Variants in MECR observed in about 807,000 individuals in gnomAD.
MECR encodes mitochondrial trans-2-enoyl-CoA reductase.
Under a neutral mutation model 49.1 loss-of-function variants are expected in MECR, and 37 were observed. The observed-to-expected ratio is 0.75, with a 90% CI of 0.58 to 0.99. The LOEUF is 0.99. MECR is among the 50% of genes least tolerant of loss of function. The pLI, the probability that MECR is intolerant of heterozygous loss-of-function variation, is 0.00. For missense variants in MECR, 470 were observed against 479.6 expected, an observed-to-expected ratio of 0.98 and a Z score of 0.19; for synonymous variants, 198 against 191.1, an observed-to-expected ratio of 1.04 and a Z score of -0.30.
chr1:29,178,471 G>A, the MECR span, among the ~76,000 whole-genome samples: 1 of 151,644 alleles, frequency 6.6e-6, no homozygotes, highest in Non-Finnish European at 1.5e-5. Flanking sequence ...AGCCTCTCGA[G>A]TAGCTGGGAC....
chr1:29,201,584 G>C lies in MECR; in HGVS notation c.756+359C>G, dbSNP rs1027718182. The C allele has an allele frequency of 2.2e-6, 1 of 463,080 alleles. No homozygotes were observed. The highest frequency in any genetic ancestry group is 4.2e-6 in the Non-Finnish European group (1 of 236,294). The allele number at this position is 463,080 out of a possible 1,614,324, so 28.7% of individuals were successfully genotyped here. On this transcript the variant is annotated intron_variant, in intron 6 of 9. Transcript: ENST00000263702. This position sits in a 1 kb window ranked among gnomAD's most constrained non-coding sequence, Gnocchi z 4.3. ...AAATCATCAGATAAAATGTAAGGCA[G>C]GTGGTTGGGAAAGGTTACTTCTTTT...
downstream of MECR, among the ~76,000 whole-genome samples, chr1:29,187,719 C>G (rs1185557674): frequency 6.6e-6 from 1 of 151,020 alleles, no homozygotes; most frequent in Non-Finnish European, 1.5e-5. Flanking sequence ...CCTGCCTCAG[C>G]CTCCCAAGTA....
intron 3 of MECR, among the ~76,000 whole-genome samples, chr1:29,210,809 C>T (rs757384053): frequency 6.6e-6 from 1 of 152,206 alleles, no homozygotes; most frequent in Non-Finnish European, 1.5e-5. Context: ...TTCCATTTCC[C>T]TAATCTGTGA....
the MECR span, among the ~76,000 whole-genome samples, chr1:29,180,480 G>A: frequency 5.9e-5 from 9 of 152,284 alleles, no homozygotes; most frequent in Middle Eastern, 3.4e-3. Flanking sequence ...TTGAGAATAC[G>A]GTAGCTACCA....
At chr1:29,224,678 A>G (rs576254411) in intron 1 of MECR, 5 of 152,310 alleles carry the variant, frequency 3.3e-5, no homozygotes, top group South Asian at 4.1e-4. Flanking sequence ...ACACATACCC[A>G]TATTTACCAC....
At chr1:29,169,211 G>A in the MECR span, 2 of 152,164 alleles carry the variant, frequency 1.3e-5, no homozygotes, top group East Asian at 1.9e-4. Flanking sequence ...CTAACTTAGA[G>A]GAGTTGAGTA....
intron 9 of MECR, 102 bp downstream of exon 9, chr1:29,195,839 G>A: frequency 6.1e-6 from 7 of 1,150,800 alleles, no homozygotes; most frequent in Non-Finnish European, 9.2e-6. Flanking sequence ...TGGGGCTGGG[G>A]ACCCAATCAC....
chr1:29,185,193 T>C, the MECR span, among the ~76,000 whole-genome samples: 4 of 152,212 alleles, frequency 2.6e-5, no homozygotes, highest in African/African-American at 9.6e-5. Context: ...GTGTTGAGAT[T>C]ACAGGCATGA....
rs1558413658 is a variant in MECR, at chr1:29,196,256, CGCCTGAA to C, written c.831-5_832del. On this transcript the variant is annotated splice_acceptor_variant and splice_polypyrimidine_tract_variant and coding_sequence_variant and intron_variant, in exon 8 of 10. Coordinates refer to ENST00000263702, the MANE Select transcript of MECR (RefSeq NM_016011.5). LOFTEE classifies it high-confidence loss of function. Reference sequence around the variant, plus strand: ...CCCATAGGTTACCATGGTTCCTCCACGCCTGAAAAGTCCAAAGAGAACAAAGAGTGGA... The same window carrying C: ...CCCATAGGTTACCATGGTTCCTCCACAAGTCCAAAGAGAACAAAGAGTGGA... The C allele has an allele frequency of 6.2e-7, 1 of 1,611,488 alleles. No homozygotes were observed. The highest frequency in any genetic ancestry group is 8.5e-7 in the Non-Finnish European group (1 of 1,178,160).
At chr1:29,209,702 T>C (rs934742737) in intron 3 of MECR, among the ~76,000 whole-genome samples, 2 of 152,112 alleles carry the variant, frequency 1.3e-5, no homozygotes, top group Non-Finnish European at 1.5e-5. Context: ...AGGGTAGGCT[T>C]TGGAGTCAGA....
At chr1:29,226,717 A>C (rs1682155642) in intron 1 of MECR, among the ~76,000 whole-genome samples, 1 of 152,152 alleles carries the variant, frequency 6.6e-6, no homozygotes, top group South Asian at 2.1e-4. Flanking sequence ...CTTTCAATCT[A>C]CTTGAGCTTC....
the MECR span, among the ~76,000 whole-genome samples, chr1:29,178,908 G>A: frequency 6.6e-6 from 1 of 152,142 alleles, no homozygotes; most frequent in East Asian, 1.9e-4. Flanking sequence ...GATGCCAGGA[G>A]GTCATATTGT....
chr1:29,229,775 T>C (rs1350181452), intron 1 of MECR, among the ~76,000 whole-genome samples: 1 of 152,188 alleles, frequency 6.6e-6, no homozygotes, highest in East Asian at 1.9e-4. Flanking sequence ...TGACCCCAAG[T>C]ATTTTGATTC....
intron 4 of MECR, among the ~76,000 whole-genome samples, chr1:29,204,133 C>T (rs994008613): frequency 6.6e-6 from 1 of 152,024 alleles, no homozygotes; most frequent in East Asian, 1.9e-4. Flanking sequence ...GCAGGAGAAT[C>T]GCTTGAACCC....
chr1:29,174,019 T>C, the MECR span, among the ~76,000 whole-genome samples: 1 of 151,302 alleles, frequency 6.6e-6, no homozygotes, highest in African/African-American at 2.4e-5. Flanking sequence ...TGAAACTGTG[T>C]CTCTACTAAA....
intron 7 of MECR, among the ~76,000 whole-genome samples, chr1:29,196,949 G>A (rs1454265773): frequency 1.3e-5 from 2 of 152,200 alleles, no homozygotes; most frequent in East Asian, 3.8e-4. Context: ...AGGCTGCAGT[G>A]AGCTGAGATT....
At chr1:29,197,985 C>T (rs1674405987) in intron 7 of MECR, among the ~76,000 whole-genome samples, 1 of 152,200 alleles carries the variant, frequency 6.6e-6, no homozygotes. Context: ...GGACCGGTTT[C>T]ATGGAAGACA....
the MECR span, chr1:29,172,322 T>A: frequency 1.3e-5 from 2 of 152,110 alleles, no homozygotes; most frequent in South Asian, 4.1e-4. Flanking sequence ...TGAGACAGAG[T>A]CTCACTCTGT....
intron 1 of MECR, among the ~76,000 whole-genome samples, chr1:29,222,372 C>G (rs1174641304): frequency 6.6e-6 from 1 of 152,126 alleles, no homozygotes. Context: ...GCTGGGATTA[C>G]AGGTGTGAGC....
Sources: allele counts gnomAD v4.1 joint callset (sites outside exome capture counted in the v4.1 genomes callset), GRCh38; gene constraint gnomAD v4.1.1; non-coding constraint Gnocchi (gnomAD v3.1); transcripts MANE v1.5; gene names NCBI Gene and HGNC (gene_info 2026-07-23, HGNC 2026-07-21).